Variants in GREB1 observed in about 807,000 individuals in gnomAD.
GREB1 encodes growth regulating estrogen receptor binding 1.
In GREB1, 106 loss-of-function variants were observed where a neutral mutation model predicts 200.7. The observed-to-expected ratio is 0.53, with a 90% CI of 0.45 to 0.62. The LOEUF is 0.62. Ranked by LOEUF, GREB1 falls within the 20% of genes least tolerant of loss-of-function variation. The probability of loss-of-function intolerance (pLI) is 0.00; values close to 1 mark genes in which losing one functional copy is unlikely to be tolerated. For synonymous variants in GREB1, 1,132 were observed against 1,092.4 expected (o/e 1.04, Z -0.72); for missense variants, 2,243 against 2,556.8 (o/e 0.88, Z 2.65).
In GREB1 at chr2:11,510,244, A is replaced by G. The variant is rs185514128; in HGVS notation, c.-159+27863A>G. Among the ~76,000 whole-genome samples, 108 of 152,358 alleles carry G rather than the reference A, an allele frequency of 7.1e-4. 2 individuals are homozygous for G. Among genetic ancestry groups the G allele is most frequent in the African/African-American group, 2.2e-3 (90 of 41,582 alleles). On this transcript the variant is annotated intron_variant, in intron 1 of 2. Coordinates refer to the GREB1 transcript ENST00000628795. ...GATTCAGATTTAATGTCTGGTGAGA[A>G]GATGCCAGAGTGATGGTATGTACCT...
At chr2:11,549,397 A>G (rs2147806803) in intron 1 of GREB1, among the ~76,000 whole-genome samples, 1 of 152,340 alleles carries the variant, frequency 6.6e-6, no homozygotes, top group Middle Eastern at 3.4e-3. Flanking sequence ...GAAAAAAAAG[A>G]GAATGGTTAA....
chr2:11,601,435 C>T (rs928921473), intron 16 of GREB1, among the ~76,000 whole-genome samples: 4 of 152,204 alleles, frequency 2.6e-5, no homozygotes, highest in Admixed American at 2.6e-4. Context: ...TCTCCTTCCT[C>T]AAACTGAACA....
At chr2:11,500,802 G>A (rs1173191473) in intron 1 of GREB1, among the ~76,000 whole-genome samples, 2 of 152,194 alleles carry the variant, frequency 1.3e-5, no homozygotes, top group Non-Finnish European at 2.9e-5. Context: ...CATATTGACA[G>A]CAGGGAATGG....
intron 4 of GREB1, among the ~76,000 whole-genome samples, chr2:11,567,602 G>A (rs1183902255): frequency 6.6e-6 from 1 of 152,128 alleles, no homozygotes; most frequent in Admixed American, 6.6e-5. Flanking sequence ...TCAAGGTGGG[G>A]GAGCCACCGT....
In GREB1 at chr2:11,600,795, C is replaced by T; in HGVS notation, c.2334-5C>T. ...TTCCACTGATTGTGTCTTCTCCTCCCTCAGTAGCACTGTTCATAACCTCTA... is the reference window on the plus strand; with the variant it reads ...TTCCACTGATTGTGTCTTCTCCTCCTTCAGTAGCACTGTTCATAACCTCTA... On this transcript the variant is annotated splice_polypyrimidine_tract_variant and splice_region_variant and intron_variant, in intron 15 of 32. Coordinates refer to ENST00000381486, the MANE Select transcript of GREB1 (RefSeq NM_014668.4). 1.2e-6 allele frequency: 2 copies of T among 1,608,194 alleles called. No individual in the cohort carries two copies. The highest frequency in any genetic ancestry group is 1.7e-6 in the Non-Finnish European group (2 of 1,175,236).
chr2:11,517,097 G>A (rs1023732950), intron 1 of GREB1, among the ~76,000 whole-genome samples: 1 of 152,210 alleles, frequency 6.6e-6, no homozygotes, highest in African/African-American at 2.4e-5. Context: ...AGTGGCCCCA[G>A]GGTCACTTGG....
At chr2:11,486,023 A>G (rs1672647670) in intron 1 of GREB1, among the ~76,000 whole-genome samples, 2 of 152,216 alleles carry the variant, frequency 1.3e-5, no homozygotes, top group East Asian at 1.9e-4. Flanking sequence ...GGCTGGTGAC[A>G]GGAACTTGCT....
At chr2:11,562,430 T>C in intron 2 of GREB1, 33 bp from the exon 3 acceptor site, 1 of 1,609,510 alleles carries the variant, frequency 6.2e-7, no homozygotes, top group Non-Finnish European at 8.5e-7. Flanking sequence ...AGACAGCAGC[T>C]GCCTTGCTCA....
chr2:11,632,369 C>T (rs1265661101), intron 27 of GREB1, among the ~76,000 whole-genome samples: 3 of 119,672 alleles, frequency 2.5e-5, no homozygotes, highest in African/African-American at 3.3e-5. Flanking sequence ...GATGGAGTCT[C>T]GTTCTGTCAT....
intron 1 of GREB1, among the ~76,000 whole-genome samples, chr2:11,507,685 G>A (rs1673222650): frequency 6.6e-6 from 1 of 152,214 alleles, no homozygotes; most frequent in African/African-American, 2.4e-5. Context: ...CCAGCCTCCT[G>A]CTTCTCAGAG....
intron 1 of GREB1, among the ~76,000 whole-genome samples, chr2:11,485,275 ATTTT>A (rs56041700): frequency 2.2e-5 from 3 of 133,758 alleles, no homozygotes; most frequent in African/African-American, 5.5e-5. Flanking sequence ...ATATATATGT[ATTTT>A]TTTTTTTTTT....
intron 17 of GREB1, among the ~76,000 whole-genome samples, chr2:11,606,000 T>C (rs1427225700): frequency 6.6e-6 from 1 of 152,190 alleles, no homozygotes. Context: ...TTGATAGGTG[T>C]ATGTTTAACT....
chr2:11,597,051 A>G lies in GREB1; in HGVS notation c.1955-730A>G, dbSNP rs545428669. 8.6e-5 allele frequency among the ~76,000 whole-genome samples: 13 copies of G among 151,120 alleles called. No homozygotes were observed. In the East Asian group the frequency reaches 2.5e-3, roughly 30 times the overall value. On this transcript the variant is annotated intron_variant, in intron 13 of 32. Transcript: ENST00000381486. The surrounding 1 kb of genome is among the most constrained non-coding windows in gnomAD (Gnocchi z 4.1). ...CCAATGGGCACAGGTGTGCACCGTG[A>G]GAGAGGGCAGTGGGCACAGGTGTGC...
chr2:11,594,645 G>A (rs546352912), intron 11 of GREB1, among the ~76,000 whole-genome samples: 37 of 151,808 alleles, frequency 2.4e-4, no homozygotes, highest in Middle Eastern at 3.4e-3. Context: ...AAGAGCCACC[G>A]TGCCCGACCA....
chr2:11,547,297 C>T (rs891728199), intron 1 of GREB1, among the ~76,000 whole-genome samples: 12 of 152,174 alleles, frequency 7.9e-5, no homozygotes, highest in Non-Finnish European at 1.6e-4. Context: ...CTTTGGAGAT[C>T]GGCTTTTAAT....
intron 1 of GREB1, among the ~76,000 whole-genome samples, chr2:11,494,333 A>G (rs1672833456): frequency 6.6e-6 from 1 of 152,208 alleles, no homozygotes; most frequent in Admixed American, 6.5e-5. Context: ...TGGTTTATAG[A>G]TGGGCTGTGG....
intron 10 of GREB1, 81 bp from the exon 11 acceptor site, chr2:11,592,695 G>C: frequency 1.1e-6 from 1 of 873,166 alleles, no homozygotes; most frequent in Non-Finnish European, 1.6e-6. Flanking sequence ...ACTTAGGTGG[G>C]TACTTTCACA....
At chr2:11,546,453 A>G (rs752812277) in intron 1 of GREB1, among the ~76,000 whole-genome samples, 2 of 152,232 alleles carry the variant, frequency 1.3e-5, no homozygotes, top group African/African-American at 4.8e-5. Flanking sequence ...TTATATGCTT[A>G]TATGTGGTTT....
Position 11,593,084 on chromosome 2 carries a change from G to A in GREB1, c.1654G>A (p.Ala552Thr), listed in dbSNP as rs768677398. The part of the protein sequence containing the change: ...AKTNYVVIIC[A>T]CRSAAIDSCI... ...GACCAACTACGTGGTCATCATCTGC[G>A]CCTGCCGCAGCGCGGCCATCGACTC... Residue 552 changes from alanine to threonine, a missense_variant, in exon 11 of 33, where the codon GCC (alanine) becomes ACC (threonine). This residue lies in a region of GREB1 where 1,178 missense variants were observed against 1,387.4 expected (regional missense o/e 0.85). Coordinates refer to ENST00000381486, the MANE Select transcript of GREB1 (RefSeq NM_014668.4). 2.5e-6 allele frequency: 4 copies of A among 1,609,346 alleles called. No homozygotes were observed. In the African/African-American group the frequency reaches 4.0e-5, roughly 16 times the overall value.
Sources: allele counts gnomAD v4.1 joint callset (sites outside exome capture counted in the v4.1 genomes callset), GRCh38; gene constraint gnomAD v4.1.1; regional missense constraint gnomAD v4.1.1; non-coding constraint Gnocchi (gnomAD v3.1); transcripts MANE v1.5; gene names NCBI Gene and HGNC (gene_info 2026-07-23, HGNC 2026-07-21).